Variants in CYP4A11 observed in about 807,000 individuals in gnomAD.
CYP4A11 encodes the protein cytochrome P450 family 4 subfamily A member 11.
A neutral mutation model predicts 57.7 loss-of-function variants in CYP4A11; 52 were observed. That is an observed-to-expected ratio of 0.90 (90% CI 0.72 to 1.14). The LOEUF (loss-of-function observed/expected upper bound fraction) is 1.14, where lower values mean the gene tolerates loss of function less well. Ranked by LOEUF, CYP4A11 falls within the 50% of genes most tolerant of loss-of-function variation. CYP4A11 has a pLI of 0.00. For synonymous variants in CYP4A11, 228 were observed against 247.1 expected (o/e 0.92, Z 0.72); for missense variants, 641 against 642.1 (o/e 1.00, Z 0.02).
Position 46,932,288 on chromosome 1 carries a change from C to A in CYP4A11, c.1364+473G>T, listed in dbSNP as rs1049168584. 17 of 1,013,056 alleles carry A rather than the reference C, an allele frequency of 1.7e-5. No homozygotes were observed. The African/African-American group carries it at 2.1e-4, about 12-fold the overall frequency. The allele number at this position is 1,013,056 out of a possible 1,614,324, so 62.8% of individuals were successfully genotyped here. A position where few individuals can be genotyped will look rare whatever the true frequency, so the allele number is the denominator to read the frequency against. The stretch of plus-strand genomic sequence containing the variant: ...AGGTCATCTGTATTATAAACAGATG[C>A]AAAGACTTCAATGATTCATCTCTAC... On this transcript the variant is annotated intron_variant, in intron 11 of 11. Coordinates refer to ENST00000310638, the MANE Select transcript of CYP4A11 (RefSeq NM_000778.4).
chr1:46,929,869 T>A lies in CYP4A11; in HGVS notation c.*246A>T, dbSNP rs1251593899. On this transcript the variant is annotated 3_prime_UTR_variant, in exon 12 of 12. Coordinates refer to ENST00000310638, the MANE Select transcript of CYP4A11 (RefSeq NM_000778.4). ...AGACTCTTTTACATTATGTCAGACATGCAAGCTCGGCCTCAGCTTCTCCCA... is the reference window on the plus strand; with the variant it reads ...AGACTCTTTTACATTATGTCAGACAAGCAAGCTCGGCCTCAGCTTCTCCCA... The A allele has an allele frequency of 1.2e-5, 6 of 505,862 alleles. No homozygotes were observed. The highest frequency in any genetic ancestry group is 1.8e-5 in the Non-Finnish European group (5 of 283,302). 31.3% of individuals were successfully genotyped at this position (505,862 alleles called of 1,614,324 possible).
At chr1:46,931,555 A>C (rs1681029401) in intron 11 of CYP4A11, 1 of 727,216 alleles carries the variant, frequency 1.4e-6, no homozygotes, top group Non-Finnish European at 1.7e-6. Context: ...AAATGAATAA[A>C]ATATAATGAA....
intron 9 of CYP4A11, among the ~76,000 whole-genome samples, chr1:46,933,572 T>C (rs748452938): frequency 3.9e-5 from 6 of 152,198 alleles, no homozygotes; most frequent in Non-Finnish European, 7.3e-5. Flanking sequence ...CCTCAGAGAC[T>C]GGACAACAGC....
At chr1:46,930,861 C>A (rs1173483001) in intron 11 of CYP4A11, among the ~76,000 whole-genome samples, 1 of 152,140 alleles carries the variant, frequency 6.6e-6, no homozygotes, top group Non-Finnish European at 1.5e-5. Context: ...TGTTGCCCCA[C>A]CTGCCTCCCA....
At chr1:46,933,787 C>T in intron 9 of CYP4A11, 159 bp downstream of exon 9, 1 of 1,291,046 alleles carries the variant, frequency 7.7e-7, no homozygotes. Context: ...CTCAGCCAGA[C>T]TTTTCAAATT....
chr1:46,938,930 G>A lies in CYP4A11; in HGVS notation c.196-793C>T, dbSNP rs80024740. 7.0e-3 allele frequency among the ~76,000 whole-genome samples: 1,068 copies of A among 152,238 alleles called. 14 individuals carry two copies. The highest frequency in any genetic ancestry group is 0.057 in the East Asian group (297 of 5,174). ...ACCCGTTTGTTTCAGCTCCAATGCC[G>A]ATGCCACCACTGCTGCTGAATCGCA... On this transcript the variant is annotated intron_variant, in intron 1 of 11. Coordinates refer to ENST00000310638, the MANE Select transcript of CYP4A11 (RefSeq NM_000778.4).
chr1:46,935,185 T>C lies in CYP4A11; in HGVS notation c.636-31A>G, dbSNP rs183652593. 4.6e-3 allele frequency: 7,426 copies of C among 1,602,522 alleles called. 28 individuals carry two copies. The highest frequency in any genetic ancestry group is 5.5e-3 in the Non-Finnish European group (6,454 of 1,171,914). On this transcript the variant is annotated intron_variant, in intron 5 of 11. Coordinates refer to ENST00000310638, the MANE Select transcript of CYP4A11 (RefSeq NM_000778.4). ...GGAGAGTATGAAGAAGGGACTGCAG[T>C]AGGGGTGGGCCCATTACCCGGAAGT...
rs1195546038 is a variant in CYP4A11 at position 46,930,230 on chromosome 1, G to A, written c.1445C>T (p.Pro482Leu). Residue 482 changes from proline (P) to leucine (L), a missense_variant, in exon 12 of 12, where the codon CCT (proline) becomes CTT (leucine). By Grantham distance (98) the Pro-to-Leu change is moderately conservative. Coordinates refer to ENST00000310638, the MANE Select transcript of CYP4A11 (RefSeq NM_000778.4). ...GGGGATGGGGATCCTGGTGGGATCA[G>A]GCAGCAGCTCAAAGCGGAGCAGGGT... ...ALTLLRFELL[P>L]DPTRIPIPIA... 3 of 1,614,154 alleles carry A rather than the reference G, an allele frequency of 1.9e-6. No individual in the cohort carries two copies. The highest frequency in any genetic ancestry group is 1.7e-6 in the Non-Finnish European group (2 of 1,180,004).
chr1:46,931,049 C>T (rs1031259799), intron 11 of CYP4A11, among the ~76,000 whole-genome samples: 33 of 152,350 alleles, frequency 2.2e-4, no homozygotes, highest in African/African-American at 6.7e-4. Context: ...GACCCTCCCA[C>T]GCTCTTCATC....
At chr1:46,936,942 G>A in intron 3 of CYP4A11, 151 bp from the exon 4 acceptor site, 1 of 1,404,364 alleles carries the variant, frequency 7.1e-7, no homozygotes, top group Non-Finnish European at 9.3e-7. Flanking sequence ...CACGTCATGG[G>A]CAAATGCAGG....
chr1:46,930,943 C>G (rs1166578221), intron 11 of CYP4A11, among the ~76,000 whole-genome samples: 3 of 152,194 alleles, frequency 2.0e-5, no homozygotes, highest in Admixed American at 2.0e-4. Flanking sequence ...AATTCTACTC[C>G]AGAAACATCC....
rs1163359492 is a variant in CYP4A11 at position 46,934,053 on chromosome 1, G to A, written c.1115C>T (p.Thr372Ile). The A allele has an allele frequency of 1.9e-6, 3 of 1,613,470 alleles. No individual in the cohort carries two copies. Among genetic ancestry groups the A allele is most frequent in the Non-Finnish European group, 2.5e-6 (3 of 1,179,872 alleles). The part of the protein sequence containing the change: ...TWNHLDQMPY[T>I]TMCIKEALRL... ...CAGTGCCTCCTTAATGCACATGGTGGTGTAGGGCATCTGGTCCAGGTGGTT... is the reference window on the plus strand; with the variant it reads ...CAGTGCCTCCTTAATGCACATGGTGATGTAGGGCATCTGGTCCAGGTGGTT... Residue 372 changes from threonine to isoleucine, a missense_variant, in exon 9 of 12, where the codon ACC (threonine) becomes ATC (isoleucine). By Grantham distance (89) the Thr-to-Ile change is moderately conservative. Transcript: ENST00000310638.
chr1:46,936,374 T>G (rs980787791), intron 4 of CYP4A11, among the ~76,000 whole-genome samples: 4 of 152,212 alleles, frequency 2.6e-5, no homozygotes, highest in African/African-American at 4.8e-5. Context: ...GATTGCATAC[T>G]CCTCCAGTCC....
At position 46,932,856 on chromosome 1, in the gene CYP4A11, A is replaced by G; in HGVS notation, c.1288-19T>C. ...CAAACACCTGCAGAGAGAGCACCAGAGCCAGGATAGTTAAGGATCCAGCAC... is the reference window on the plus strand; with the variant it reads ...CAAACACCTGCAGAGAGAGCACCAGGGCCAGGATAGTTAAGGATCCAGCAC... On this transcript the variant is annotated intron_variant, in intron 10 of 11. Transcript: ENST00000310638. 3 of 1,614,206 alleles carry G rather than the reference A, an allele frequency of 1.9e-6. No individual in the cohort carries two copies. Among genetic ancestry groups the G allele is most frequent in the Non-Finnish European group, 2.5e-6 (3 of 1,180,032 alleles).
chr1:46,940,833 G>C, intron 1 of CYP4A11: 1 of 985,344 alleles, frequency 1.0e-6, no homozygotes, highest in Non-Finnish European at 1.2e-6. Context: ...TCCTCAGATG[G>C]GTGTCTGTGC....
intron 1 of CYP4A11, 39 bp downstream of exon 1, chr1:46,941,200 C>T (rs1307782386): frequency 1.3e-6 from 2 of 1,592,166 alleles, no homozygotes; most frequent in East Asian, 4.5e-5. Flanking sequence ...AGCCCCATCC[C>T]TCTTTGCCCT....
intron 1 of CYP4A11, among the ~76,000 whole-genome samples, 153 bp from the exon 2 acceptor site, chr1:46,938,290 C>T (rs534172161): frequency 6.6e-5 from 10 of 152,334 alleles, no homozygotes; most frequent in Non-Finnish European, 1.0e-4. Context: ...TTCTTGCTCT[C>T]TCCCCAGGAC....
intron 1 of CYP4A11, among the ~76,000 whole-genome samples, chr1:46,938,384 C>T (rs1681549969): frequency 6.6e-6 from 1 of 152,218 alleles, no homozygotes. Flanking sequence ...TGTTGTGTAA[C>T]ATCTCTGGAA....
rs1239632086 is a variant in CYP4A11, at chr1:46,931,391, G to T, written c.1365-1081C>A. On this transcript the variant is annotated intron_variant, in intron 11 of 11. Coordinates refer to ENST00000310638, the MANE Select transcript of CYP4A11 (RefSeq NM_000778.4). ...CAGTGAGTGAATGAGTGAAAGGATG[G>T]TTGATGGAACGATGTGTGTCTGGAG... 3 of 425,110 alleles carry T rather than the reference G, an allele frequency of 7.1e-6. No homozygotes were observed. In the South Asian group the frequency reaches 3.0e-4, roughly 43 times the overall value. 26.3% of individuals were successfully genotyped at this position (425,110 alleles called of 1,614,324 possible).
Sources: gnomAD v4.1 joint callset for allele counts (sites outside exome capture counted in the v4.1 genomes callset) on GRCh38, gnomAD v4.1.1 for gene constraint, MANE v1.5 for transcripts, NCBI Gene and HGNC (gene_info 2026-07-23, HGNC 2026-07-21) for gene names.